OPHN1: variants seen among roughly 807,000 people sequenced by gnomAD.
OPHN1 encodes the protein oligophrenin-1.
In OPHN1, 11 loss-of-function variants were observed where a neutral mutation model predicts 60.7. The observed-to-expected ratio is 0.18, with a 90% CI of 0.11 to 0.30. OPHN1 has a LOEUF of 0.30. Among genes scored for constraint, OPHN1 ranks in the 10% least tolerant of loss-of-function variants. OPHN1 has a pLI of 1.00. For synonymous variants in OPHN1, 226 were observed against 222.6 expected (o/e 1.02, Z -0.14); for missense variants, 449 against 611.0 (o/e 0.73, Z 2.80).
At chrX:68,070,009 C>G (rs2147366919) in intron 20 of OPHN1, among the ~76,000 whole-genome samples, 1 of 111,449 alleles carries the variant, frequency 9.0e-6, no homozygotes, top group African/African-American at 3.3e-5. Flanking sequence ...AAATTTTATT[C>G]TAGGTATGAA....
At chrX:68,396,947 T>C (rs1206435855) in intron 2 of OPHN1, among the ~76,000 whole-genome samples, 1 of 111,843 alleles carries the variant, frequency 8.9e-6, no homozygotes, top group East Asian at 2.8e-4. Context: ...CCCAGGGGCA[T>C]AGGACTCTCT....
At chrX:68,328,284 A>G (rs1350762758) in intron 2 of OPHN1, among the ~76,000 whole-genome samples, 20 of 94,187 alleles carry the variant, frequency 2.1e-4, no homozygotes, top group Middle Eastern at 0.016. Context: ...GCCTGCCACC[A>G]CGCCCGGCTA....
chrX:68,306,523 A>C (rs2078145850), intron 2 of OPHN1, among the ~76,000 whole-genome samples: 1 of 112,243 alleles, frequency 8.9e-6, no homozygotes, highest in Non-Finnish European at 1.9e-5. Context: ...GAGAAGGAAA[A>C]TACATGAGCT....
chrX:68,143,957 C>T (rs992910534), intron 15 of OPHN1, among the ~76,000 whole-genome samples: 1 of 111,742 alleles, frequency 8.9e-6, no homozygotes. Context: ...TGAAGATCCT[C>T]AATGCATATG....
chrX:68,210,941 T>C (rs1222119285), intron 8 of OPHN1, among the ~76,000 whole-genome samples: 1 of 111,413 alleles, frequency 9.0e-6, no homozygotes, highest in Non-Finnish European at 1.9e-5. Flanking sequence ...AGAAAGGTGA[T>C]CTGTGCTGCC....
At chrX:68,166,857 C>T (rs1242211909) in intron 15 of OPHN1, among the ~76,000 whole-genome samples, 1 of 111,993 alleles carries the variant, frequency 8.9e-6, no homozygotes, top group African/African-American at 3.2e-5. Flanking sequence ...GAAACTAGAA[C>T]CCTATCTCTT....
At chrX:68,065,424 T>G (rs996369932) in intron 20 of OPHN1, among the ~76,000 whole-genome samples, 1 of 111,723 alleles carries the variant, frequency 9.0e-6, no homozygotes, top group East Asian at 2.8e-4. Context: ...GATGAGTAGG[T>G]TGGGGGAACG....
chrX:68,156,478 C>T (rs12011068), intron 15 of OPHN1, among the ~76,000 whole-genome samples: 51,268 of 110,144 alleles, frequency 0.47, 10,823 homozygotes, highest in African/African-American at 0.83. Context: ...ATAACCATAA[C>T]TAATTATAGA....
At chrX:68,176,881 G>A (rs1430299904) in intron 15 of OPHN1, among the ~76,000 whole-genome samples, 1 of 109,842 alleles carries the variant, frequency 9.1e-6, no homozygotes, top group African/African-American at 3.3e-5. Context: ...CATGTTTACA[G>A]CAGTATTGTT....
chrX:68,427,758 T>A, intron 2 of OPHN1, among the ~76,000 whole-genome samples: 1 of 109,556 alleles, frequency 9.1e-6, no homozygotes. Flanking sequence ...TAGAGCTGTA[T>A]CATTTAGCTC....
chrX:68,257,669 C>T (rs1471659246), intron 5 of OPHN1, among the ~76,000 whole-genome samples: 1 of 111,931 alleles, frequency 8.9e-6, no homozygotes, highest in African/African-American at 3.2e-5. Context: ...GCTACATTAC[C>T]TTAAATTAAC....
At chrX:68,365,953 C>A (rs7879361) in intron 2 of OPHN1, among the ~76,000 whole-genome samples, 1,326 of 107,523 alleles carry the variant, frequency 0.012, 21 homozygotes, top group African/African-American at 0.043. Context: ...TCAACTTACC[C>A]AGCTAGACTT....
chrX:68,073,614 G>A (rs1158169767), intron 19 of OPHN1, among the ~76,000 whole-genome samples: 3 of 111,889 alleles, frequency 2.7e-5, no homozygotes. Context: ...ACTTCTCTGA[G>A]CCTTGGCTTT....
intron 15 of OPHN1, among the ~76,000 whole-genome samples, chrX:68,181,733 C>T (rs1197619737): frequency 8.9e-6 from 1 of 111,753 alleles, no homozygotes; most frequent in Admixed American, 9.5e-5. Flanking sequence ...GAGGTTGAGG[C>T]AGGAGAATTG....
At chrX:68,112,915 T>C (rs1224979377) in intron 17 of OPHN1, among the ~76,000 whole-genome samples, 1 of 112,257 alleles carries the variant, frequency 8.9e-6, no homozygotes. Context: ...TGAATACATA[T>C]ATAAATAAAG....
chrX:68,322,589 C>A lies in OPHN1; in HGVS notation c.155-23493G>T, dbSNP rs751078845. On this transcript the variant is annotated intron_variant, in intron 2 of 24. Coordinates refer to ENST00000355520, the MANE Select transcript of OPHN1 (RefSeq NM_002547.3). Reference sequence around the variant, plus strand: ...ATCACTTGAGGCCAGGAGTTCGAGACTAGTCTGGTCAACATGATGAAACCC... The same window carrying A: ...ATCACTTGAGGCCAGGAGTTCGAGAATAGTCTGGTCAACATGATGAAACCC... Among the ~76,000 whole-genome samples the A allele has an allele frequency of 1.9e-3, 216 of 111,166 alleles. 1 individual carries two copies. The highest frequency in any genetic ancestry group is 6.5e-3 in the African/African-American group (198 of 30,566).
At chrX:68,119,366 A>G in intron 15 of OPHN1, 34 bp from the exon 16 acceptor site, 2 of 1,022,851 alleles carry the variant, frequency 2.0e-6, no homozygotes, top group Non-Finnish European at 2.8e-6. Flanking sequence ...AACAAAAGTT[A>G]ATCATCAAAA....
chrX:68,384,020 G>T (rs1016461591), intron 2 of OPHN1, among the ~76,000 whole-genome samples: 1 of 111,322 alleles, frequency 9.0e-6, no homozygotes, highest in African/African-American at 3.3e-5. Flanking sequence ...TGGGGGAGGG[G>T]TGACTGAAGA....
At chrX:68,257,018 C>T (rs1455421037) in intron 5 of OPHN1, among the ~76,000 whole-genome samples, 7 of 102,232 alleles carry the variant, frequency 6.8e-5, no homozygotes, top group African/African-American at 1.8e-4. Context: ...GGTGACAGAG[C>T]GAGACTCCAT....
Sources: gnomAD v4.1 joint callset for allele counts (sites outside exome capture counted in the v4.1 genomes callset) on GRCh38, gnomAD v4.1.1 for gene constraint, MANE v1.5 for transcripts, NCBI Gene and HGNC (gene_info 2026-07-23, HGNC 2026-07-21) for gene names.